COL6A5: variants seen among roughly 807,000 people sequenced by gnomAD.
The protein encoded by COL6A5 is collagen type VI alpha 5 chain.
COL6A5 carries 48 observed loss-of-function variants against 65.6 expected under a neutral mutation model. The observed-to-expected ratio is 0.73, with a 90% CI of 0.58 to 0.93. COL6A5 has a LOEUF of 0.93. COL6A5 is among the 40% of genes least tolerant of loss of function. The pLI, the probability that COL6A5 is intolerant of heterozygous loss-of-function variation, is 0.00. For synonymous variants in COL6A5, 291 were observed against 322.8 expected (o/e 0.90, Z 1.05); for missense variants, 914 against 928.3 (o/e 0.98, Z 0.20).
chr3:130,391,790 C>CA, intron 7 of COL6A5, 36 bp downstream of exon 7: 2 of 1,449,150 alleles, frequency 1.4e-6, no homozygotes, highest in Non-Finnish European at 1.9e-6. Flanking sequence ...ATGGGGGTAG[C>CA]AATAAAAGTT....
rs143406770 is a variant in COL6A5 at position 130,397,878 on chromosome 3, G to A, written c.3864G>A (p.Arg1288=). 426 of 1,551,624 alleles carry A rather than the reference G, an allele frequency of 2.7e-4. 1 individual carries two copies. The African/African-American group carries it at 4.4e-3, about 16-fold the overall frequency. ...CTCATCTGAACGCACAGTTCTTGCG[G>A]TCTCTTTGGGACACATTTAAGGATA... Residue 1288 remains arginine, a synonymous_variant and NMD_transcript_variant, in exon 9 of 42, where the codon CGG becomes CGA. Coordinates refer to the COL6A5 transcript ENST00000312481.
intron 1 of COL6A5, among the ~76,000 whole-genome samples, chr3:130,434,495 C>T (rs1937959995): frequency 6.6e-6 from 1 of 152,152 alleles, no homozygotes; most frequent in Non-Finnish European, 1.5e-5. Context: ...GATTCTAGAT[C>T]CTTGAGGAAT....
intron 4 of COL6A5, among the ~76,000 whole-genome samples, chr3:130,446,745 C>T (rs547327821): frequency 5.3e-5 from 8 of 152,052 alleles, no homozygotes; most frequent in South Asian, 4.2e-4. Flanking sequence ...GATGATCTCC[C>T]GGTGAAACAC....
chr3:130,404,594 G>A (rs2017399646), intron 13 of COL6A5, among the ~76,000 whole-genome samples: 1 of 152,214 alleles, frequency 6.6e-6, no homozygotes, highest in African/African-American at 2.4e-5. Flanking sequence ...TAGCATGGGA[G>A]TGCTTTCAGT....
chr3:130,439,705 T>G lies in COL6A5; in HGVS notation c.581+90T>G, dbSNP rs1390922006. On this transcript the variant is annotated intron_variant, in intron 2 of 7. Coordinates refer to ENST00000512836, the Ensembl canonical transcript of COL6A5. The stretch of plus-strand genomic sequence containing the variant: ...ATGTGGTTTTATCCAGAGATTTCTA[T>G]TTTTAATCATAGGTTCTATTTTCAG... The G allele has an allele frequency of 4.6e-6, 4 of 864,068 alleles. No individual in the cohort carries two copies. The African/African-American group carries it at 6.9e-5, about 15-fold the overall frequency. The allele number at this position is 864,068 out of a possible 1,614,324, so 53.5% of individuals were successfully genotyped here.
chr3:130,428,075 G>A (rs1937645172), upstream of COL6A5, among the ~76,000 whole-genome samples: 1 of 152,152 alleles, frequency 6.6e-6, no homozygotes, highest in Admixed American at 6.5e-5. Flanking sequence ...AGGGGCTGGG[G>A]AGGTGAGGAC....
chr3:130,451,598 A>G (rs1709438130), intron 4 of COL6A5, among the ~76,000 whole-genome samples: 1 of 152,068 alleles, frequency 6.6e-6, no homozygotes, highest in African/African-American at 2.4e-5. Context: ...TTGAGAAGAG[A>G]ATAATTAGCA....
At chr3:130,377,569 A>G (rs1935831055) in intron 3 of COL6A5, among the ~76,000 whole-genome samples, 1 of 152,252 alleles carries the variant, frequency 6.6e-6, no homozygotes, top group South Asian at 2.1e-4. Flanking sequence ...AATGCAATGC[A>G]GTGGACTGCA....
chr3:130,393,149 C>T (rs1206026458), intron 7 of COL6A5, among the ~76,000 whole-genome samples: 1 of 151,492 alleles, frequency 6.6e-6, no homozygotes, highest in African/African-American at 2.4e-5. Flanking sequence ...TTCCAAACTC[C>T]TGAGCTCTAT....
chr3:130,377,248 G>A (rs899080231), intron 3 of COL6A5, among the ~76,000 whole-genome samples: 1 of 152,130 alleles, frequency 6.6e-6, no homozygotes, highest in Non-Finnish European at 1.5e-5. Flanking sequence ...GCACATGAGG[G>A]CAGGGTTGAC....
intron 7 of COL6A5, among the ~76,000 whole-genome samples, chr3:130,393,715 G>T (rs1012547192): frequency 1.7e-4 from 26 of 152,304 alleles, no homozygotes; most frequent in African/African-American, 6.0e-4. Context: ...GCTAAACAAA[G>T]CTCCAAACCT....
chr3:130,410,738 T>C (rs1173604043), intron 20 of COL6A5, among the ~76,000 whole-genome samples: 1 of 152,162 alleles, frequency 6.6e-6, no homozygotes, highest in Non-Finnish European at 1.5e-5. Context: ...CCCTGGTCTC[T>C]ACCCACTAGT....
intron 19 of COL6A5, 112 bp downstream of exon 19, chr3:130,410,186 GA>G (rs1379711129): frequency 7.6e-6 from 6 of 786,882 alleles, no homozygotes; most frequent in African/African-American, 1.8e-5. Context: ...AGACCACATT[GA>G]AAAGACCTTT....
intron 12 of COL6A5, 100 bp from the exon 13 acceptor site, chr3:130,403,509 A>C: frequency 1.0e-6 from 1 of 998,080 alleles, no homozygotes; most frequent in Non-Finnish European, 1.5e-6. Context: ...ACTGCAACCA[A>C]GTTGGAGGAA....
chr3:130,348,807 T>C (rs900158531), intron 1 of COL6A5, among the ~76,000 whole-genome samples: 9 of 152,236 alleles, frequency 5.9e-5, no homozygotes, highest in African/African-American at 2.2e-4. Context: ...TTTTTAACAA[T>C]TGCCATTCTA....
intron 18 of COL6A5, 134 bp from the exon 19 acceptor site, chr3:130,409,875 G>A (rs1024617784): frequency 1.7e-6 from 1 of 576,518 alleles, no homozygotes; most frequent in Non-Finnish European, 3.1e-6. Context: ...AATCCTGTGA[G>A]TTTCGAATAT....
intron 4 of COL6A5, among the ~76,000 whole-genome samples, chr3:130,447,553 A>C (rs1043558219): frequency 1.3e-5 from 2 of 152,188 alleles, no homozygotes; most frequent in Non-Finnish European, 2.9e-5. Flanking sequence ...GGGTCCTGGT[A>C]AAGTGGTATG....
At chr3:130,432,785 A>G (rs745518298) in intron 1 of COL6A5, among the ~76,000 whole-genome samples, 1 of 152,134 alleles carries the variant, frequency 6.6e-6, no homozygotes, top group Non-Finnish European at 1.5e-5. Flanking sequence ...GGGATCTTTG[A>G]ACCCCTATGG....
chr3:130,345,749 A>C (rs1365834878), exon 1 of COL6A5: 3 of 398,622 alleles, frequency 7.5e-6, no homozygotes, highest in Non-Finnish European at 1.3e-5. Context: ...GCGCCGGCTT[A>C]AAAGACCCTC....
Sources: gnomAD v4.1 joint callset for allele counts (sites outside exome capture counted in the v4.1 genomes callset) on GRCh38, gnomAD v4.1.1 for gene constraint, MANE v1.5 for transcripts, NCBI Gene and HGNC (gene_info 2026-07-23, HGNC 2026-07-21) for gene names.